The following LYRM4 variants were observed in gnomAD, a reference collection of about 807,000 sequenced individuals.
LYRM4 encodes the protein LYR motif containing 4.
A neutral mutation model predicts 11.7 loss-of-function variants in LYRM4; 9 were observed. The ratio of observed to expected loss-of-function variants is 0.77; its 90% CI spans 0.46 to 1.34. The LOEUF is 1.34. Among genes scored for constraint, LYRM4 ranks in the 40% most tolerant of loss-of-function variants. LYRM4 has a pLI of 0.00. For synonymous variants in LYRM4, 42 were observed against 40.4 expected (o/e 1.04, Z -0.15); for missense variants, 133 against 112.5 (o/e 1.18, Z -0.82).
intron 1 of LYRM4, among the ~76,000 whole-genome samples, chr6:5,229,500 G>A (rs1449998744): frequency 6.7e-6 from 1 of 150,358 alleles, no homozygotes; most frequent in Non-Finnish European, 1.5e-5. Context: ...CTCTCTCCAG[G>A]GCTCAGTGGG....
At chr6:5,128,851 C>A (rs1763813552) in intron 2 of LYRM4, among the ~76,000 whole-genome samples, 1 of 152,224 alleles carries the variant, frequency 6.6e-6, no homozygotes, top group South Asian at 2.1e-4. Flanking sequence ...GCCGCCAGCA[C>A]CTGGAGGGAG....
chr6:5,119,019 T>A (rs2127599922), intron 2 of LYRM4, among the ~76,000 whole-genome samples: 1 of 152,328 alleles, frequency 6.6e-6, no homozygotes, highest in African/African-American at 2.4e-5. Flanking sequence ...TCCAATGAAG[T>A]GTGGTAGCTG....
At chr6:5,170,676 T>C (rs1205696659) in intron 2 of LYRM4, among the ~76,000 whole-genome samples, 1 of 152,146 alleles carries the variant, frequency 6.6e-6, no homozygotes, top group Non-Finnish European at 1.5e-5. Flanking sequence ...TTTCATCCAG[T>C]CTTATACCAC....
At chr6:5,216,890 C>A (rs1001600625) in intron 1 of LYRM4, 152 bp from the exon 2 acceptor site, 8 of 898,684 alleles carry the variant, frequency 8.9e-6, no homozygotes, top group Non-Finnish European at 1.3e-5. Flanking sequence ...GCAGGCTGAT[C>A]CACTACCATT....
At chr6:5,064,636 T>C in the LYRM4 span, among the ~76,000 whole-genome samples, 1 of 152,198 alleles carries the variant, frequency 6.6e-6, no homozygotes, top group Non-Finnish European at 1.5e-5. Context: ...ACTCTTGGCC[T>C]CAAGGCAATC....
intron 1 of LYRM4, among the ~76,000 whole-genome samples, chr6:5,248,877 G>A (rs1764311490): frequency 6.6e-6 from 1 of 152,262 alleles, no homozygotes; most frequent in East Asian, 1.9e-4. Flanking sequence ...AAGGAACAAT[G>A]AGTCTGGCGC....
intron 1 of LYRM4, among the ~76,000 whole-genome samples, chr6:5,244,456 T>C (rs1764049074): frequency 6.6e-6 from 1 of 152,178 alleles, no homozygotes; most frequent in African/African-American, 2.4e-5. Context: ...TCCCTGCTCG[T>C]TCCTTAGGGG....
intron 2 of LYRM4, among the ~76,000 whole-genome samples, chr6:5,154,623 T>A (rs1758285481): frequency 6.6e-6 from 1 of 152,148 alleles, no homozygotes; most frequent in African/African-American, 2.4e-5. Context: ...GAGACCATCC[T>A]GACGAACACT....
chr6:5,062,697 G>A, the LYRM4 span, among the ~76,000 whole-genome samples: 4 of 152,210 alleles, frequency 2.6e-5, no homozygotes, highest in South Asian at 8.3e-4. Context: ...CCTGTTTGAG[G>A]ACAGTTTTCC....
the LYRM4 span, chr6:5,085,711 T>TGCC: frequency 3.9e-6 from 6 of 1,546,686 alleles, no homozygotes; most frequent in African/African-American, 4.1e-5. Flanking sequence ...GCTGCTGGAA[T>TGCC]GCCGCCGCCG....
intron 2 of LYRM4, among the ~76,000 whole-genome samples, chr6:5,144,838 G>A (rs1435710343): frequency 2.0e-5 from 3 of 152,070 alleles, no homozygotes; most frequent in South Asian, 2.1e-4. Context: ...ATCCCTTCCC[G>A]CAGGTGTTTC....
chr6:5,248,636 A>G (rs977819959), intron 1 of LYRM4, among the ~76,000 whole-genome samples: 4 of 152,168 alleles, frequency 2.6e-5, no homozygotes, highest in African/African-American at 9.7e-5. Context: ...GCTAGTCCCT[A>G]CTAGCCCTTC....
At chr6:5,198,311 A>G (rs566613852) in intron 2 of LYRM4, among the ~76,000 whole-genome samples, 187 of 152,362 alleles carry the variant, frequency 1.2e-3, no homozygotes, top group South Asian at 2.5e-3. Context: ...ACAGAGGCCT[A>G]TATTTTGCAT....
At chr6:5,115,487 C>T (rs868122601) in intron 2 of LYRM4, among the ~76,000 whole-genome samples, 9 of 152,174 alleles carry the variant, frequency 5.9e-5, no homozygotes, top group Admixed American at 1.3e-4. Context: ...CCCTCTGCTG[C>T]GTTCCTTACC....
At chr6:5,064,282 C>T in the LYRM4 span, among the ~76,000 whole-genome samples, 1 of 152,130 alleles carries the variant, frequency 6.6e-6, no homozygotes, top group Admixed American at 6.5e-5. Context: ...CCAGCAAGCC[C>T]TGAACGGCAA....
chr6:5,085,606 G>C, the LYRM4 span: 916 of 1,547,308 alleles, frequency 5.9e-4, 2 homozygotes, highest in African/African-American at 0.011. Flanking sequence ...TGGCGGCGAC[G>C]GCGGTGGCGC....
intron 1 of LYRM4, among the ~76,000 whole-genome samples, chr6:5,259,709 T>G (rs1300613341): frequency 6.6e-6 from 1 of 152,048 alleles, no homozygotes; most frequent in Admixed American, 6.6e-5. Context: ...GTCACCTAAG[T>G]GAGGCTTGAG....
Position 5,108,437 on chromosome 6 carries a change from A to G in LYRM4, c.*986T>C, listed in dbSNP as rs1182569537. 2 of 976,618 alleles carry G rather than the reference A, an allele frequency of 2.0e-6. No homozygotes were observed. The highest frequency in any genetic ancestry group is 2.4e-6 in the Non-Finnish European group (2 of 821,874). The allele number at this position is 976,618 out of a possible 1,614,324, so 60.5% of individuals were successfully genotyped here. A position where few individuals can be genotyped will look rare whatever the true frequency, so the allele number is the denominator to read the frequency against. On this transcript the variant is annotated 3_prime_UTR_variant, in exon 3 of 3. Coordinates refer to ENST00000330636, the MANE Select transcript of LYRM4 (RefSeq NM_020408.6). ...CCAAGAATAAAAGCATACAAACAAT[A>G]TCTTTATTACCTGTAATATACTTAA... is the stretch of plus-strand genomic sequence containing the variant.
chr6:5,162,612 T>C (rs1758834417), intron 2 of LYRM4, among the ~76,000 whole-genome samples: 1 of 152,238 alleles, frequency 6.6e-6, no homozygotes, highest in African/African-American at 2.4e-5. Flanking sequence ...GTTATAAGTA[T>C]CTGTGAAGCC....
Sources: allele counts gnomAD v4.1 joint callset (sites outside exome capture counted in the v4.1 genomes callset), GRCh38; gene constraint gnomAD v4.1.1; transcripts MANE v1.5; gene names NCBI Gene and HGNC (gene_info 2026-07-23, HGNC 2026-07-21).